Variants in MACIR observed in about 807,000 individuals in gnomAD.
The protein encoded by MACIR is macrophage immunometabolism regulator.
Under a neutral mutation model 14.3 loss-of-function variants are expected in MACIR, and 4 were observed. The ratio of observed to expected loss-of-function variants is 0.28; its 90% confidence interval spans 0.14 to 0.64. The LOEUF is 0.64. Ranked by LOEUF, MACIR falls within the 30% of genes least tolerant of loss-of-function variation. The probability of loss-of-function intolerance (pLI) is 0.83; values close to 1 mark genes in which losing one functional copy is unlikely to be tolerated. For missense variants in MACIR, 228 were observed against 257.6 expected (o/e 0.89, Z 0.79); for synonymous variants, 101 against 102.4 (o/e 0.99, Z 0.08).
At chr5:103,265,547 T>C (rs141231219) in intron 1 of MACIR, among the ~76,000 whole-genome samples, 1 of 152,124 alleles carries the variant, frequency 6.6e-6, no homozygotes, top group African/African-American at 2.4e-5. Context: ...TAAGCATTAT[T>C]TTTTTTCCAT....
At chr5:103,261,693 T>TCTTTCTTCCTTTCTTTCTTC (rs1804723302) in intron 1 of MACIR, among the ~76,000 whole-genome samples, 4 of 119,326 alleles carry the variant, frequency 3.4e-5, no homozygotes, top group African/African-American at 1.4e-4. Context: ...TTTCTTTCTT[T>TCTTTCTTCCTTTCTTTCTTC]CTTTCTTTCT....
At chr5:103,263,510 A>G (rs1034994063) in intron 1 of MACIR, among the ~76,000 whole-genome samples, 1 of 152,182 alleles carries the variant, frequency 6.6e-6, no homozygotes, top group Non-Finnish European at 1.5e-5. Flanking sequence ...TCTGCTTTCA[A>G]ATCCAGACTA....
At chr5:103,258,421 C>A (rs1206439769), upstream of MACIR, among the ~76,000 whole-genome samples, 2 of 152,106 alleles carry the variant, frequency 1.3e-5, no homozygotes, top group Non-Finnish European at 2.9e-5. Context: ...ACTGAGGAAG[C>A]CGGAGTGTTC....
intron 1 of MACIR, among the ~76,000 whole-genome samples, chr5:103,261,636 CTTTTTCTT>C (rs1330339001): frequency 4.6e-4 from 56 of 121,950 alleles, no homozygotes; most frequent in Middle Eastern, 4.7e-3. Flanking sequence ...ACCTGTTTTT[CTTTTTCTT>C]TCTTTCTTTC....
At chr5:103,261,685 T>TCTTTCTTTCTTTCTTTCTTC in intron 1 of MACIR, among the ~76,000 whole-genome samples, 1 of 130,254 alleles carries the variant, frequency 7.7e-6, no homozygotes, top group Admixed American at 7.6e-5. Flanking sequence ...TTTCTTTCTT[T>TCTTTCTTTCTTTCTTTCTTC]CTTTCTTTCT....
intron 2 of MACIR, among the ~76,000 whole-genome samples, chr5:103,268,871 A>G (rs537975971): frequency 6.6e-6 from 1 of 151,996 alleles, no homozygotes; most frequent in Non-Finnish European, 1.5e-5. Flanking sequence ...TCTTCTCTAT[A>G]TTTCAAGGTG....
rs1190563986 is a variant in MACIR at position 103,276,575 on chromosome 5, G to A, written c.*35G>A. 25 of 1,561,786 alleles carry A rather than the reference G, an allele frequency of 1.6e-5. No homozygotes were observed. Among genetic ancestry groups the A allele is most frequent in the Non-Finnish European group, 2.2e-5 (25 of 1,157,556 alleles). ...AGAGAGCTTAAACCAATTTAGGTCA[G>A]CCTACGCTTGGCTAGAAAAAACCCA... On this transcript the variant is annotated 3_prime_UTR_variant, in exon 3 of 3. Coordinates refer to ENST00000319933, the MANE Select transcript of MACIR (RefSeq NM_033211.4).
At chr5:103,265,663 C>G (rs1434360975) in intron 1 of MACIR, among the ~76,000 whole-genome samples, 2 of 152,070 alleles carry the variant, frequency 1.3e-5, no homozygotes, top group Non-Finnish European at 2.9e-5. Flanking sequence ...TTAGGTACTC[C>G]TAGTCTCTAG....
intron 2 of MACIR, among the ~76,000 whole-genome samples, chr5:103,266,865 A>G (rs1011152384): frequency 1.3e-5 from 2 of 152,196 alleles, no homozygotes; most frequent in East Asian, 3.8e-4. Flanking sequence ...AATCTCATTA[A>G]GTAGATAAAA....
chr5:103,259,331 G>A (rs1226425868), intron 1 of MACIR: 1 of 152,072 alleles, frequency 6.6e-6, no homozygotes, highest in Non-Finnish European at 1.5e-5. Flanking sequence ...GCTCGCTGGG[G>A]AGGTGCGGGG....
At chr5:103,271,253 G>A (rs578155837) in intron 2 of MACIR, among the ~76,000 whole-genome samples, 1 of 152,226 alleles carries the variant, frequency 6.6e-6, no homozygotes, top group East Asian at 1.9e-4. Flanking sequence ...TTTACCACCT[G>A]TTTTCAAAGC....
intron 2 of MACIR, among the ~76,000 whole-genome samples, chr5:103,268,421 A>G (rs1370040839): frequency 6.6e-6 from 1 of 152,182 alleles, no homozygotes; most frequent in Non-Finnish European, 1.5e-5. Flanking sequence ...TCCAGCCCAC[A>G]GAGGATTAGG....
chr5:103,271,447 A>G (rs915614687), intron 2 of MACIR, among the ~76,000 whole-genome samples: 37 of 151,864 alleles, frequency 2.4e-4, no homozygotes, highest in Admixed American at 2.4e-3. Context: ...ATTTGGACCT[A>G]TTTGCTTTAG....
chr5:103,271,705 G>A (rs1356933205), intron 2 of MACIR, among the ~76,000 whole-genome samples: 2 of 152,058 alleles, frequency 1.3e-5, no homozygotes, highest in East Asian at 3.8e-4. Flanking sequence ...TTGAAAAATT[G>A]TATTGTTCCT....
rs952763661 is a variant in MACIR, at chr5:103,278,141, C to T, written c.*1601C>T. On this transcript the variant is annotated 3_prime_UTR_variant, in exon 3 of 3. Transcript: ENST00000319933. The stretch of plus-strand genomic sequence containing the variant: ...ATTTCTCGTTGGGCTGGAAATGTTT[C>T]GCTGTTGTATATTTTAAAGTAAATT... 1.2e-5 allele frequency: 2 copies of T among 166,950 alleles called. No individual in the cohort carries two copies. The highest frequency in any genetic ancestry group is 2.9e-5 in the Non-Finnish European group (2 of 68,078). 10.3% of individuals were successfully genotyped at this position (166,950 alleles called of 1,614,324 possible). A position where few individuals can be genotyped will look rare whatever the true frequency, so the allele number is the denominator to read the frequency against.
At chr5:103,263,682 T>C (rs1804815961) in intron 1 of MACIR, among the ~76,000 whole-genome samples, 1 of 152,206 alleles carries the variant, frequency 6.6e-6, no homozygotes, top group South Asian at 2.1e-4. Context: ...GTCAAAACTA[T>C]TCTTTAGGAT....
intron 1 of MACIR, chr5:103,259,130 A>G (rs1554235927): frequency 1.3e-5 from 2 of 152,098 alleles, no homozygotes; most frequent in African/African-American, 4.8e-5. Flanking sequence ...GGGCGGCCCC[A>G]GCGTCCCTTG....
chr5:103,274,655 T>G (rs569185600), intron 2 of MACIR, among the ~76,000 whole-genome samples: 2 of 142,228 alleles, frequency 1.4e-5, no homozygotes, highest in East Asian at 4.0e-4. Flanking sequence ...TAAAGTGCTG[T>G]TTTTTTTTTT....
intron 2 of MACIR, among the ~76,000 whole-genome samples, chr5:103,272,351 T>A (rs1554237186): frequency 2.3e-5 from 3 of 127,768 alleles, no homozygotes; most frequent in African/African-American, 9.9e-5. Context: ...CAGTTTTTAC[T>A]GTCTTTAGTG....
Sources: allele counts gnomAD v4.1 joint callset (sites outside exome capture counted in the v4.1 genomes callset), GRCh38; gene constraint gnomAD v4.1.1; transcripts MANE v1.5; gene names NCBI Gene and HGNC (gene_info 2026-07-23, HGNC 2026-07-21).